R3HDM1: variants seen among roughly 807,000 people sequenced by gnomAD.
R3HDM1 encodes R3H domain containing 1, also known as R3H domain-containing protein 1.
R3HDM1 carries 46 observed loss-of-function variants against 141.1 expected under a neutral mutation model. The ratio of observed to expected loss-of-function variants is 0.33; its 90% CI spans 0.26 to 0.42. The LOEUF is 0.42. R3HDM1 is among the 10% of genes least tolerant of loss of function. The probability of loss-of-function intolerance (pLI) is 1.00; values close to 1 mark genes in which losing one functional copy is unlikely to be tolerated. For missense variants in R3HDM1, 1,184 were observed against 1,368.3 expected (o/e 0.87, Z 2.12); for synonymous variants, 435 against 472.9 (o/e 0.92, Z 1.04).
At chr2:135,645,901 C>A (rs1444245337) in intron 16 of R3HDM1, among the ~76,000 whole-genome samples, 12 of 152,166 alleles carry the variant, frequency 7.9e-5, no homozygotes, top group South Asian at 6.2e-4. Context: ...TTAGAAGAAA[C>A]TGAGATAGGC....
intron 17 of R3HDM1, 47 bp from the exon 18 acceptor site, chr2:135,651,683 G>T: frequency 7.9e-6 from 12 of 1,520,730 alleles, no homozygotes; most frequent in South Asian, 2.7e-5. Context: ...GATAAGTTTG[G>T]CCTATGTGTA....
At chr2:135,620,471 G>T in intron 5 of R3HDM1, 2 of 975,526 alleles carry the variant, frequency 2.1e-6, no homozygotes, top group Non-Finnish European at 2.4e-6. Flanking sequence ...TGTCATCCTA[G>T]TAAAAACTGC....
At chr2:135,607,357 AC>A in intron 3 of R3HDM1, 5 of 981,462 alleles carry the variant, frequency 5.1e-6, no homozygotes, top group Non-Finnish European at 4.8e-6. Flanking sequence ...CCTATTATGT[AC>A]CAGACACCAG....
intron 1 of R3HDM1, among the ~76,000 whole-genome samples, chr2:135,553,854 C>G (rs1228472186): frequency 6.6e-6 from 1 of 152,200 alleles, no homozygotes; most frequent in Non-Finnish European, 1.5e-5. Flanking sequence ...CCACACCCGG[C>G]TAATTTTGTA....
rs112526625 is a variant in R3HDM1, at chr2:135,534,373, C to T, written c.-250+2740C>T. On this transcript the variant is annotated intron_variant, in intron 1 of 26. Transcript: ENST00000683871. ...GCAAATCATTTGAAATTGTTACAAC[C>T]ATATGTGACTACAGTTTTGTTGCTG... Among the ~76,000 whole-genome samples the T allele has an allele frequency of 1.6e-3, 249 of 152,298 alleles. 4 individuals are homozygous for T. The highest frequency in any genetic ancestry group is 5.5e-3 in the African/African-American group (230 of 41,556).
intron 9 of R3HDM1, among the ~76,000 whole-genome samples, chr2:135,632,365 T>C (rs573633146): frequency 1.3e-5 from 2 of 152,060 alleles, no homozygotes; most frequent in East Asian, 3.9e-4. Flanking sequence ...GAGAGCAGAC[T>C]TTGTCCGTGA....
chr2:135,577,779 G>C (rs901351767), intron 1 of R3HDM1, among the ~76,000 whole-genome samples: 1 of 145,022 alleles, frequency 6.9e-6, no homozygotes, highest in African/African-American at 2.6e-5. Flanking sequence ...CAGAGGTTAC[G>C]ACGAGCCAAG....
chr2:135,614,465 G>A (rs1237180309), intron 3 of R3HDM1, among the ~76,000 whole-genome samples: 2 of 152,096 alleles, frequency 1.3e-5, no homozygotes, highest in Non-Finnish European at 2.9e-5. Context: ...TGTTAGCTAC[G>A]CTTTCACTGA....
intron 24 of R3HDM1, among the ~76,000 whole-genome samples, chr2:135,716,297 T>A (rs2076146651): frequency 6.6e-6 from 1 of 152,194 alleles, no homozygotes; most frequent in South Asian, 2.1e-4. Flanking sequence ...AAGACTCTTG[T>A]CTCAAAAATA....
At chr2:135,705,975 A>C (rs1469285110) in intron 21 of R3HDM1, among the ~76,000 whole-genome samples, 1 of 152,018 alleles carries the variant, frequency 6.6e-6, no homozygotes, top group Admixed American at 6.5e-5. Flanking sequence ...TAAAAATACA[A>C]AAAATTAGCC....
intron 20 of R3HDM1, among the ~76,000 whole-genome samples, chr2:135,677,563 G>GT (rs11422432): frequency 0.069 from 10,459 of 151,494 alleles, 712 homozygotes; most frequent in African/African-American, 0.18. Flanking sequence ...AATTAGTATA[G>GT]TTTTTTTTTA....
chr2:135,674,431 T>G (rs528791367), intron 19 of R3HDM1, among the ~76,000 whole-genome samples: 1 of 152,322 alleles, frequency 6.6e-6, no homozygotes, highest in South Asian at 2.1e-4. Context: ...ATGATTATTT[T>G]TATCTAGTTC....
At chr2:135,609,348 A>G (rs968844693) in intron 3 of R3HDM1, among the ~76,000 whole-genome samples, 5 of 152,208 alleles carry the variant, frequency 3.3e-5, no homozygotes, top group Non-Finnish European at 7.3e-5. Context: ...ATTTCTTAAT[A>G]CTTCAGAGCT....
chr2:135,683,541 A>G lies in R3HDM1; in HGVS notation c.2459+3217A>G, dbSNP rs191799301. On this transcript the variant is annotated intron_variant, in intron 21 of 26. Transcript: ENST00000683871. ...TGCACTCCAGCCTGGGCAGCAGAGT[A>G]AGAACCTATCTCAAAAAAAAAAAAA... Among the ~76,000 whole-genome samples, 365 of 142,328 alleles carry G rather than the reference A, an allele frequency of 2.6e-3. 2 individuals carry two copies. Among genetic ancestry groups the G allele is most frequent in the African/African-American group, 9.6e-3 (341 of 35,678 alleles). 93.4% of individuals were successfully genotyped at this position (142,328 alleles called of 152,430 possible).
At chr2:135,645,644 CA>C in intron 16 of R3HDM1, 117 bp downstream of exon 16, 1 of 1,254,680 alleles carries the variant, frequency 8.0e-7, no homozygotes, top group South Asian at 1.5e-5. Context: ...AATATTCTGC[CA>C]CTAGTGATAT....
intron 1 of R3HDM1, among the ~76,000 whole-genome samples, chr2:135,599,174 T>C (rs1436949073): frequency 2.0e-5 from 3 of 152,370 alleles, no homozygotes; most frequent in Admixed American, 6.5e-5. Context: ...TTTTTGTGCA[T>C]ATGTAAACAT....
Position 135,636,157 on chromosome 2 carries a change from G to T in R3HDM1, c.877G>T (p.Ala293Ser). 1 of 1,612,938 alleles carries T rather than the reference G, an allele frequency of 6.2e-7. No homozygotes were observed. ...IEEREEEYQR[A>S]RDRIFSQDSL... ...AGAAAGAGAAGAAGAGTACCAGAGAGCCAGAGACCGAATATTTTCCCAAGA... is the reference window on the plus strand; with the variant it reads ...AGAAAGAGAAGAAGAGTACCAGAGATCCAGAGACCGAATATTTTCCCAAGA... The change falls in exon 11 of 27, where the codon GCC (alanine) becomes TCC (serine). Residue 293 changes from alanine (A) to serine (S), a missense_variant. This residue lies in a region of R3HDM1 where 240 missense variants were observed against 312.3 expected (regional missense o/e 0.77). Coordinates refer to ENST00000683871, the MANE Select transcript of R3HDM1 (RefSeq NM_001378107.1).
rs35183953 is a variant in R3HDM1, at chr2:135,702,217, GAAAAAA to G, written c.2460-7198_2460-7193del. Among the ~76,000 whole-genome samples, 145 of 120,858 alleles carry G rather than the reference GAAAAAA, an allele frequency of 1.2e-3. 1 individual carries two copies. The highest frequency in any genetic ancestry group is 5.3e-3 in the African/African-American group (135 of 25,370). 79.3% of individuals were successfully genotyped at this position (120,858 alleles called of 152,430 possible). ...ACAGAGCAAGACGTTGTCTCAGGGG[GAAAAAA>G]AAAAAAAAAAAAAAAAAGGCTGGGC... On this transcript the variant is annotated intron_variant, in intron 21 of 26. Coordinates refer to ENST00000683871, the MANE Select transcript of R3HDM1 (RefSeq NM_001378107.1).
At chr2:135,536,241 G>A (rs1444166712) in intron 1 of R3HDM1, among the ~76,000 whole-genome samples, 1 of 152,134 alleles carries the variant, frequency 6.6e-6, no homozygotes, top group Non-Finnish European at 1.5e-5. Context: ...TGAGGCTCAA[G>A]GGAGCTTCCC....
Sources: gnomAD v4.1 joint callset for allele counts (sites outside exome capture counted in the v4.1 genomes callset) on GRCh38, gnomAD v4.1.1 for gene constraint, gnomAD v4.1.1 regional missense constraint, MANE v1.5 for transcripts, NCBI Gene and HGNC (gene_info 2026-07-23, HGNC 2026-07-21) for gene names.